Variants in CRPPA observed in about 807,000 individuals in gnomAD.
CRPPA encodes the protein D-ribitol-5-phosphate cytidylyltransferase.
A neutral mutation model predicts 52.0 loss-of-function variants in CRPPA; 43 were observed. The ratio of observed to expected loss-of-function variants is 0.83; its 90% CI spans 0.65 to 1.07. The LOEUF is 1.07. Among genes scored for constraint, CRPPA ranks in the 50% least tolerant of loss-of-function variants. The pLI, the probability that CRPPA is intolerant of heterozygous loss-of-function variation, is 0.00. For missense variants in CRPPA, 629 were observed against 551.7 expected (o/e 1.14, Z -1.40); for synonymous variants, 250 against 203.5 (o/e 1.23, Z -1.94).
intron 9 of CRPPA, among the ~76,000 whole-genome samples, chr7:16,199,674 A>G (rs1457607110): frequency 6.8e-6 from 1 of 147,090 alleles, no homozygotes; most frequent in African/African-American, 2.5e-5. Context: ...TAAAAAAAAA[A>G]TTCAGTAAAG....
chr7:16,374,840 T>G (rs1786841561), intron 3 of CRPPA, among the ~76,000 whole-genome samples: 1 of 152,188 alleles, frequency 6.6e-6, no homozygotes, highest in African/African-American at 2.4e-5. Flanking sequence ...AAACTTAATC[T>G]ATAACTATTC....
intron 5 of CRPPA, among the ~76,000 whole-genome samples, chr7:16,290,127 A>C (rs368900924): frequency 6.6e-6 from 1 of 152,106 alleles, no homozygotes; most frequent in East Asian, 1.9e-4. Flanking sequence ...AAAAACTACA[A>C]AACGCTAATG....
At position 16,299,918 on chromosome 7, in the gene CRPPA, C is replaced by CA. The variant is rs35143519; in HGVS notation, c.835+1502dup. On this transcript the variant is annotated intron_variant, in intron 5 of 9. Coordinates refer to ENST00000407010, the MANE Select transcript of CRPPA (RefSeq NM_001101426.4). ...CCTCAGTCGAACTACCAATTGTTGA[C>CA]AAAAAAAAAGTCATTGCTATTTTCC... 1.7e-4 allele frequency among the ~76,000 whole-genome samples: 26 copies of CA among 150,480 alleles called. No homozygotes were observed. The East Asian group carries it at 3.7e-3, about 21-fold the overall frequency.
intron 8 of CRPPA, among the ~76,000 whole-genome samples, chr7:16,226,598 C>G (rs1375896166): frequency 6.6e-6 from 1 of 151,686 alleles, no homozygotes; most frequent in Non-Finnish European, 1.5e-5. Flanking sequence ...AAATAAAACT[C>G]AGGTCATCAG....
intron 9 of CRPPA, among the ~76,000 whole-genome samples, chr7:16,200,518 A>T (rs1049719575): frequency 6.6e-6 from 1 of 152,196 alleles, no homozygotes; most frequent in Non-Finnish European, 1.5e-5. Context: ...AATTCAAAAC[A>T]TTGGAATGAC....
intron 9 of CRPPA, among the ~76,000 whole-genome samples, chr7:16,160,702 AAGTC>A (rs1783285173): frequency 6.6e-6 from 1 of 152,198 alleles, no homozygotes; most frequent in South Asian, 2.1e-4. Flanking sequence ...TCTGTGAAGA[AAGTC>A]AGTGGTAGCT....
chr7:16,341,160 G>A (rs910120080), intron 3 of CRPPA, among the ~76,000 whole-genome samples: 3 of 152,000 alleles, frequency 2.0e-5, no homozygotes, highest in Non-Finnish European at 4.4e-5. Context: ...ATATTATAAT[G>A]GTAGATACAT....
chr7:16,406,275 C>G lies in CRPPA; in HGVS notation c.320G>C (p.Ser107Thr). ...TTTATGCTGATACTTCTGAATAATA[C>G]TTTTCATTACTTCCATGTTCTCTCC... is the stretch of plus-strand genomic sequence containing the variant. ...VTGENMEVMK[S>T]IIQKYQHKRI... Residue 107 changes from serine to threonine, a missense_variant, in exon 2 of 10, where the codon AGT becomes ACT. Ser to Thr is a moderately conservative substitution (Grantham distance 58). Transcript: ENST00000407010. The G allele has an allele frequency of 6.2e-7, 1 of 1,613,872 alleles. No homozygotes were observed. The highest frequency in any genetic ancestry group is 8.5e-7 in the Non-Finnish European group (1 of 1,179,824).
intron 8 of CRPPA, among the ~76,000 whole-genome samples, chr7:16,242,453 C>T (rs1476953471): frequency 6.6e-6 from 1 of 152,040 alleles, no homozygotes; most frequent in African/African-American, 2.4e-5. Context: ...CAGGTCACCA[C>T]CCAAAAAACT....
At chr7:16,401,115 G>C (rs1257405812) in intron 2 of CRPPA, among the ~76,000 whole-genome samples, 3 of 152,138 alleles carry the variant, frequency 2.0e-5, no homozygotes, top group African/African-American at 7.2e-5. Context: ...GGCTGAGCTG[G>C]TTCAAAGCCT....
intron 6 of CRPPA, among the ~76,000 whole-genome samples, chr7:16,264,446 T>C (rs887707001): frequency 5.3e-5 from 8 of 152,310 alleles, no homozygotes; most frequent in Non-Finnish European, 7.4e-5. Context: ...GTAAACTAAA[T>C]GCAAACATCT....
rs59817515 is a variant in CRPPA at position 16,397,674 on chromosome 7, G to A, written c.534+8387C>T. Among the ~76,000 whole-genome samples the A allele has an allele frequency of 3.0e-3, 455 of 152,078 alleles. 1 individual carries two copies. The highest frequency in any genetic ancestry group is 0.01 in the African/African-American group (428 of 41,442). Reference sequence around the variant, plus strand: ...ACTGACATGTGACTAAGACGTCACCGACAAACACGTGACTGACACGTGATA... The same window carrying A: ...ACTGACATGTGACTAAGACGTCACCAACAAACACGTGACTGACACGTGATA... On this transcript the variant is annotated intron_variant, in intron 2 of 9. Coordinates refer to ENST00000407010, the MANE Select transcript of CRPPA (RefSeq NM_001101426.4).
chr7:16,383,642 C>T (rs1787175139), intron 2 of CRPPA, among the ~76,000 whole-genome samples: 2 of 152,238 alleles, frequency 1.3e-5, no homozygotes, highest in Non-Finnish European at 2.9e-5. Flanking sequence ...CTGTGGTGGG[C>T]TCCACCCAGT....
At chr7:16,237,668 C>T (rs1326064181) in intron 8 of CRPPA, among the ~76,000 whole-genome samples, 3 of 152,188 alleles carry the variant, frequency 2.0e-5, no homozygotes, top group Non-Finnish European at 4.4e-5. Flanking sequence ...TTATTTTAAT[C>T]TACTTTCTGT....
At chr7:16,218,925 C>A (rs1238784971) in intron 8 of CRPPA, among the ~76,000 whole-genome samples, 1 of 152,064 alleles carries the variant, frequency 6.6e-6, no homozygotes, top group East Asian at 1.9e-4. Context: ...TTGAACTCAG[C>A]TCTGCACCAA....
intron 9 of CRPPA, among the ~76,000 whole-genome samples, chr7:16,093,266 G>C (rs1388982666): frequency 6.6e-6 from 1 of 152,148 alleles, no homozygotes; most frequent in African/African-American, 2.4e-5. Flanking sequence ...AAGAGGTTCT[G>C]ATTATGATAG....
intron 2 of CRPPA, among the ~76,000 whole-genome samples, chr7:16,393,526 C>T (rs1279579952): frequency 3.3e-5 from 5 of 152,024 alleles, no homozygotes; most frequent in African/African-American, 1.2e-4. Flanking sequence ...CAAAGACTTA[C>T]CTTTGTAGCA....
chr7:16,301,153 C>T (rs1055699723), intron 5 of CRPPA, among the ~76,000 whole-genome samples: 1 of 152,130 alleles, frequency 6.6e-6, no homozygotes, highest in Admixed American at 6.5e-5. Flanking sequence ...TTGCTATTTT[C>T]CTTCTAATAG....
At chr7:16,257,016 T>G (rs745666095) in intron 8 of CRPPA, among the ~76,000 whole-genome samples, 1 of 152,042 alleles carries the variant, frequency 6.6e-6, no homozygotes, top group South Asian at 2.1e-4. Flanking sequence ...AAGAGGACCA[T>G]ACTATTAAAC....
Sources: allele counts gnomAD v4.1 joint callset (sites outside exome capture counted in the v4.1 genomes callset), GRCh38; gene constraint gnomAD v4.1.1; transcripts MANE v1.5; gene names NCBI Gene and HGNC (gene_info 2026-07-23, HGNC 2026-07-21).